PXDN: variants seen among roughly 807,000 people sequenced by gnomAD.
PXDN encodes peroxidasin homolog.
A neutral mutation model predicts 140.3 loss-of-function variants in PXDN; 77 were observed. That is an observed-to-expected ratio of 0.55 (90% CI 0.46 to 0.66). The LOEUF (loss-of-function observed/expected upper bound fraction) is 0.66. Among genes scored for constraint, PXDN ranks in the 30% least tolerant of loss-of-function variants. PXDN has a pLI of 0.00. For synonymous variants in PXDN, 911 were observed against 857.4 expected, an observed-to-expected ratio of 1.06 and a Z score of -1.09; for missense variants, 1,838 against 2,039.5, an observed-to-expected ratio of 0.90 and a Z score of 1.90.
At position 1,663,721 on chromosome 2, in the gene PXDN, G is replaced by T. The variant is rs548513750; in HGVS notation, c.1451C>A (p.Ser484Ter). ...AACACCAGAGATTCTAAGTGTTCCC[G>T]ATGACAGGACCAGGTGCCGCCGGTC... ...SVDRRHLVLSSGTLRISGVAL... is the reference protein window; with the variant it reads ...SVDRRHLVLS The change falls in exon 12 of 23, where the codon TCG becomes TAG. Residue 484 changes from serine (S) to a stop codon, truncating the protein, a stop_gained. Coordinates refer to ENST00000252804, the MANE Select transcript of PXDN (RefSeq NM_012293.3). LOFTEE classifies it high-confidence loss of function. The T allele has an allele frequency of 6.2e-7, 1 of 1,613,630 alleles. No individual in the cohort carries two copies. Among genetic ancestry groups the T allele is most frequent in the South Asian group, 1.1e-5 (1 of 91,076 alleles).
chr2:1,716,440 GAAAAAAAAAAAAA>G (rs550784477), intron 1 of PXDN, among the ~76,000 whole-genome samples: 22 of 58,226 alleles, frequency 3.8e-4, no homozygotes, highest in South Asian at 3.0e-3. Context: ...TCCATCTCAG[GAAAAAAAAAAAAA>G]AAAAAAAAAA....
intron 1 of PXDN, among the ~76,000 whole-genome samples, chr2:1,713,534 G>A (rs762853113): frequency 6.6e-6 from 1 of 152,196 alleles, no homozygotes; most frequent in Non-Finnish European, 1.5e-5. Context: ...CCTCTGACAG[G>A]AGAGCCCTGG....
At chr2:1,719,905 AGAGGGAGG>A (rs59906010) in intron 1 of PXDN, among the ~76,000 whole-genome samples, 1 of 81,758 alleles carries the variant, frequency 1.2e-5, no homozygotes. Flanking sequence ...ATTCAGAGAG[AGAGGGAGG>A]GAGGGATGCA....
intron 14 of PXDN, among the ~76,000 whole-genome samples, chr2:1,655,753 C>G (rs1246376886): frequency 6.9e-6 from 1 of 145,054 alleles, no homozygotes; most frequent in Non-Finnish European, 1.5e-5. Context: ...AGGGACCTAC[C>G]CCCTCCTGAC....
At chr2:1,654,104 T>C (rs1294769464) in intron 15 of PXDN, 2 of 478,572 alleles carry the variant, frequency 4.2e-6, no homozygotes, top group Admixed American at 3.8e-5. Flanking sequence ...TTTAAACTAT[T>C]TGTTTTTGCC....
intron 3 of PXDN, among the ~76,000 whole-genome samples, chr2:1,691,014 G>A (rs1684172462): frequency 6.6e-6 from 1 of 152,172 alleles, no homozygotes; most frequent in Non-Finnish European, 1.5e-5. Flanking sequence ...TAGATGACGG[G>A]TTGATGGGTG....
chr2:1,732,338 T>G (rs1685331115), intron 1 of PXDN, among the ~76,000 whole-genome samples: 1 of 152,112 alleles, frequency 6.6e-6, no homozygotes, highest in African/African-American at 2.4e-5. Context: ...CGTCCAGCAC[T>G]GAGCTGAGCC....
chr2:1,673,744 T>C lies in PXDN; in HGVS notation c.917A>G (p.Asn306Ser), dbSNP rs527742055. 1 of 1,614,038 alleles carries C rather than the reference T, an allele frequency of 6.2e-7. No individual in the cohort carries two copies. Among genetic ancestry groups the C allele is most frequent in the Admixed American group, 1.7e-5 (1 of 60,026 alleles). ...LLDDGTLMIQ[N>S]TQETDQGIYQ... ...GATACCCTGGTCTGTCTCCTGTGTG[T>C]TCTGGATCATCAGGGTCCCATCGTC... The change falls in exon 9 of 23, where the codon AAC becomes AGC. Residue 306 changes from asparagine (N) to serine (S), a missense_variant. Coordinates refer to ENST00000252804, the MANE Select transcript of PXDN (RefSeq NM_012293.3).
At position 1,654,392 on chromosome 2, in the gene PXDN, C is replaced by G. The variant is rs773357398; in HGVS notation, c.1946+8G>C. 1.9e-6 allele frequency: 3 copies of G among 1,603,516 alleles called. No individual in the cohort carries two copies. Among genetic ancestry groups the G allele is most frequent in the African/African-American group, 1.3e-5 (1 of 74,714 alleles). The stretch of plus-strand genomic sequence containing the variant: ...TTGAGGGTCAGCGTGTTTACAGCCC[C>G]ACGATACCTGTCAAACAAATGTGTT... On this transcript the variant is annotated splice_region_variant and intron_variant, in intron 15 of 22. Coordinates refer to ENST00000252804, the MANE Select transcript of PXDN (RefSeq NM_012293.3).
intron 5 of PXDN, 126 bp from the exon 6 acceptor site, chr2:1,683,853 C>G: frequency 1.1e-6 from 1 of 890,352 alleles, no homozygotes; most frequent in Non-Finnish European, 1.7e-6. Flanking sequence ...TTATTTAATA[C>G]AAATGAATCT....
intron 1 of PXDN, among the ~76,000 whole-genome samples, chr2:1,720,888 T>A (rs1685034132): frequency 6.6e-6 from 1 of 151,908 alleles, no homozygotes; most frequent in Admixed American, 6.6e-5. Context: ...AGGACAGCAG[T>A]CCTCATGCTG....
Position 1,635,431 on chromosome 2 carries a change from C to A in PXDN, c.4297G>T (p.Ala1433Ser). Residue 1433 changes from alanine to serine, a missense_variant, in exon 22 of 23, where the codon GCA (alanine) becomes TCA (serine). Ala to Ser is a moderately conservative substitution (Grantham distance 99, BLOSUM62 1). This residue lies in a region of PXDN where 850 missense variants were observed against 894.1 expected (regional missense o/e 0.95). Transcript: ENST00000252804. ...HANNTKWKKDACTICECKDGQ... is the reference protein window; with the variant it reads ...HANNTKWKKDSCTICECKDGQ... The stretch of plus-strand genomic sequence containing the variant: ...ACTTTGCATTCACAAATGGTGCATG[C>A]ATCTTTTTTCCACTTGGTGTTGTTG... The A allele has an allele frequency of 6.3e-7, 1 of 1,595,830 alleles. No homozygotes were observed. Among genetic ancestry groups the A allele is most frequent in the Non-Finnish European group, 8.5e-7 (1 of 1,170,212 alleles).
At chr2:1,735,331 T>G (rs1318690038) in intron 1 of PXDN, among the ~76,000 whole-genome samples, 1 of 152,234 alleles carries the variant, frequency 6.6e-6, no homozygotes, top group Admixed American at 6.5e-5. Context: ...AGGTTTTCAG[T>G]TGACTTTGCC....
At chr2:1,663,882 G>T in intron 11 of PXDN, 119 bp from the exon 12 acceptor site, 1 of 1,317,196 alleles carries the variant, frequency 7.6e-7, no homozygotes, top group Non-Finnish European at 1.0e-6. Context: ...CGGATAATTT[G>T]GCCTGGCCCT....
intron 2 of PXDN, 49 bp from the exon 3 acceptor site, chr2:1,692,048 T>C: frequency 7.5e-7 from 1 of 1,326,984 alleles, no homozygotes; most frequent in Non-Finnish European, 1.0e-6. Flanking sequence ...GAAAACAAAC[T>C]TCGAAGTTGT....
chr2:1,648,392 C>A lies in PXDN; in HGVS notation c.3388G>T (p.Val1130Leu), dbSNP rs1348940429. Reference sequence around the variant, plus strand: ...TCCGTGTTCAGCAGCTGCGAGGGCACACGCATTTTCCCCGCCACCCCGAAC... The same window carrying A: ...TCCGTGTTCAGCAGCTGCGAGGGCAAACGCATTTTCCCCGCCACCCCGAAC... ...GLFGVAGKMR[V>L]PSQLLNTELT... is the part of the protein sequence containing the mutation. Residue 1130 changes from valine (V) to leucine (L), a missense_variant, in exon 17 of 23, where the codon GTG becomes TTG. This residue lies in a region of PXDN where 850 missense variants were observed against 894.1 expected (regional missense o/e 0.95). Coordinates refer to ENST00000252804, the MANE Select transcript of PXDN (RefSeq NM_012293.3). The surrounding 1 kb of genome is among the most constrained non-coding windows in gnomAD (Gnocchi z 8.9). 1 of 1,612,678 alleles carries A rather than the reference C, an allele frequency of 6.2e-7. No homozygotes were observed. Among genetic ancestry groups the A allele is most frequent in the South Asian group, 1.1e-5 (1 of 91,076 alleles).
At chr2:1,665,112 A>G (rs996422802) in intron 10 of PXDN, 38 bp from the exon 11 acceptor site, 1 of 1,477,970 alleles carries the variant, frequency 6.8e-7, no homozygotes, top group Non-Finnish European at 9.3e-7. Flanking sequence ...GACATGTAAA[A>G]AACAGCCTGG....
chr2:1,648,940 G>C lies in PXDN; in HGVS notation c.2840C>G (p.Pro947Arg). Residue 947 changes from proline (P) to arginine (R), a missense_variant, in exon 17 of 23, where the codon CCG becomes CGG. Transcript: ENST00000252804. The surrounding 1 kb of genome is among the most constrained non-coding windows in gnomAD (Gnocchi z 8.9). ...RQGIVQRSGK[P>R]LLPFATGPPT... ...CGGCCCGGTGGCGAAGGGGAGCAGC[G>C]GCTTCCCGGACCGCTGCACGATGCC... 1 of 1,603,672 alleles carries C rather than the reference G, an allele frequency of 6.2e-7. No individual in the cohort carries two copies. Among genetic ancestry groups the C allele is most frequent in the Non-Finnish European group, 8.5e-7 (1 of 1,175,446 alleles).
rs377122607 is a variant in PXDN, at chr2:1,648,813, C to T, written c.2967G>A (p.Thr989=). 3.1e-6 allele frequency: 5 copies of T among 1,602,436 alleles called. No homozygotes were observed. The highest frequency in any genetic ancestry group is 3.4e-6 in the Non-Finnish European group (4 of 1,176,100). Residue 989 remains threonine, a synonymous_variant, in exon 17 of 23, where the codon ACG becomes ACA. Transcript: ENST00000252804. This position sits in a 1 kb window ranked among gnomAD's most constrained non-coding sequence, Gnocchi z 8.9. ...NEQLGLTSMH[T]LWFREHNRIA... is the part of the protein sequence containing the mutation. ...TGCGGTTGTGCTCGCGGAACCACAG[C>T]GTGTGCATGCTGGTCAGGCCCAGCT...
Sources: allele counts gnomAD v4.1 joint callset (sites outside exome capture counted in the v4.1 genomes callset), GRCh38; gene constraint gnomAD v4.1.1; regional missense constraint gnomAD v4.1.1; non-coding constraint Gnocchi (gnomAD v3.1); transcripts MANE v1.5; gene names NCBI Gene and HGNC (gene_info 2026-07-23, HGNC 2026-07-21).